SQOR: variants seen among roughly 807,000 people sequenced by gnomAD.
The protein encoded by SQOR is sulfide quinone oxidoreductase.
SQOR carries 39 observed loss-of-function variants against 48.6 expected under a neutral mutation model. The ratio of observed to expected loss-of-function variants is 0.80; its 90% CI spans 0.62 to 1.05. SQOR has a LOEUF of 1.05. Among genes scored for constraint, SQOR ranks in the 50% least tolerant of loss-of-function variants. The pLI is 0.00. For synonymous variants in SQOR, 220 were observed against 206.2 expected (o/e 1.07, Z -0.57); for missense variants, 561 against 559.9 (o/e 1.00, Z -0.02).
At chr15:45,673,071 T>C (rs1221593581) in intron 4 of SQOR, among the ~76,000 whole-genome samples, 4 of 152,182 alleles carry the variant, frequency 2.6e-5, no homozygotes, top group Admixed American at 6.5e-5. Context: ...CTTAGAAGTA[T>C]TAGGTAATTT....
intron 7 of SQOR, among the ~76,000 whole-genome samples, chr15:45,686,403 C>T (rs1890226083): frequency 3.9e-5 from 6 of 152,160 alleles, no homozygotes; most frequent in South Asian, 2.1e-4. Context: ...CCACCCACCT[C>T]AGCCTCCCAA....
intron 7 of SQOR, among the ~76,000 whole-genome samples, chr15:45,687,944 C>G (rs1890251625): frequency 6.6e-6 from 1 of 152,156 alleles, no homozygotes; most frequent in Admixed American, 6.6e-5. Context: ...ATTGGAAATG[C>G]CTGGGGCTAC....
intron 7 of SQOR, among the ~76,000 whole-genome samples, chr15:45,687,257 G>T (rs1043286054): frequency 1.3e-5 from 2 of 152,042 alleles, no homozygotes; most frequent in Non-Finnish European, 2.9e-5. Context: ...GATTACAGGC[G>T]TGTACCATCA....
chr15:45,641,824 C>G (rs1283258538), intron 1 of SQOR, among the ~76,000 whole-genome samples: 1 of 152,180 alleles, frequency 6.6e-6, no homozygotes, highest in Admixed American at 6.5e-5. Flanking sequence ...TCATTATATT[C>G]ACCTGAACAA....
chr15:45,679,816 A>G (rs1192947794), intron 6 of SQOR, among the ~76,000 whole-genome samples: 2 of 152,226 alleles, frequency 1.3e-5, no homozygotes, highest in Non-Finnish European at 2.9e-5. Context: ...TACATATCAG[A>G]ATCACTAGCA....
chr15:45,660,232 G>T lies in SQOR; in HGVS notation c.234+1075G>T, dbSNP rs1247572327. Among the ~76,000 whole-genome samples the T allele has an allele frequency of 2.0e-5, 3 of 152,326 alleles. No homozygotes were observed. In the South Asian group the frequency reaches 6.2e-4, roughly 32 times the overall value. On this transcript the variant is annotated intron_variant, in intron 2 of 9. Transcript: ENST00000260324. ...ATGGATCAGGTGCCTGTTTCAGGGGGAGGACAGGACAAGGAAGACATACTC... is the reference window on the plus strand; with the variant it reads ...ATGGATCAGGTGCCTGTTTCAGGGGTAGGACAGGACAAGGAAGACATACTC...
intron 1 of SQOR, among the ~76,000 whole-genome samples, chr15:45,636,745 A>G (rs563585461): frequency 2.2e-4 from 34 of 152,208 alleles, no homozygotes; most frequent in Admixed American, 1.6e-3. Context: ...AGTATTGCCA[A>G]TACTGCTGTG....
intron 1 of SQOR, among the ~76,000 whole-genome samples, chr15:45,638,448 C>G (rs1895045072): frequency 6.6e-6 from 1 of 152,106 alleles, no homozygotes; most frequent in South Asian, 2.1e-4. Flanking sequence ...ATTAGCCAGG[C>G]ACGGTGGCTC....
intron 4 of SQOR, among the ~76,000 whole-genome samples, chr15:45,670,406 C>T (rs1310877368): frequency 6.6e-6 from 1 of 152,172 alleles, no homozygotes; most frequent in Non-Finnish European, 1.5e-5. Context: ...GCTGGAGGGA[C>T]ATCTGGGTTT....
chr15:45,658,801 G>A (rs1889663432), intron 1 of SQOR, 106 bp from the exon 2 acceptor site: 5 of 887,032 alleles, frequency 5.6e-6, no homozygotes, highest in Admixed American at 3.2e-5. Flanking sequence ...ATGGGGACCA[G>A]CTGGAGCGGG....
intron 7 of SQOR, among the ~76,000 whole-genome samples, chr15:45,688,025 C>T (rs1416015139): frequency 6.6e-6 from 1 of 152,196 alleles, no homozygotes; most frequent in Non-Finnish European, 1.5e-5. Flanking sequence ...TAAGTGGACA[C>T]ACAGACTAAG....
At chr15:45,659,195 CGTGT>C (rs113227688) in intron 2 of SQOR, 38 bp downstream of exon 2, 21 of 1,349,216 alleles carry the variant, frequency 1.6e-5, no homozygotes, top group Non-Finnish European at 1.8e-5. Context: ...TGTGTGTGTA[CGTGT>C]GTGTGTGTGT....
intron 3 of SQOR, among the ~76,000 whole-genome samples, chr15:45,663,629 G>A (rs1889759757): frequency 1.3e-5 from 2 of 152,030 alleles, no homozygotes; most frequent in South Asian, 4.1e-4. Context: ...TTAGCTAGGT[G>A]TGGTGGTGTG....
intron 1 of SQOR, 138 bp from the exon 2 acceptor site, chr15:45,658,769 G>A: frequency 1.6e-6 from 1 of 618,162 alleles, no homozygotes; most frequent in Non-Finnish European, 2.6e-6. Flanking sequence ...ACAGCCAGTG[G>A]GGAAAGTGGT....
In SQOR at chr15:45,651,881, C is replaced by A. The variant is rs191566914; in HGVS notation, c.-17-7026C>A. ...TCTTCTCCTTCTCCTCCTTCTCCTT[C>A]TTCTTCTTCTTCTTTCTTTTTTTTA... On this transcript the variant is annotated intron_variant, in intron 1 of 9. Transcript: ENST00000260324. Among the ~76,000 whole-genome samples, 17 of 152,106 alleles carry A rather than the reference C, an allele frequency of 1.1e-4. No individual in the cohort carries two copies. In the East Asian group the frequency reaches 2.3e-3, roughly 21 times the overall value.
chr15:45,659,195 C>CGTGTGT (rs113227688), intron 2 of SQOR, 38 bp downstream of exon 2: 8 of 1,349,684 alleles, frequency 5.9e-6, no homozygotes, highest in African/African-American at 3.0e-5. Context: ...TGTGTGTGTA[C>CGTGTGT]GTGTGTGTGT....
At chr15:45,671,070 T>TTG (rs1439902381) in intron 4 of SQOR, among the ~76,000 whole-genome samples, 8 of 152,228 alleles carry the variant, frequency 5.3e-5, no homozygotes, top group African/African-American at 1.9e-4. Context: ...TAGCAGCCTC[T>TTG]TGTAGCAAAC....
intron 6 of SQOR, among the ~76,000 whole-genome samples, chr15:45,680,515 A>G (rs1890109081): frequency 6.6e-6 from 1 of 152,110 alleles, no homozygotes; most frequent in Non-Finnish European, 1.5e-5. Flanking sequence ...AGCCTCAAGC[A>G]AGCCATCCTC....
At chr15:45,686,341 G>A (rs1241932425) in intron 7 of SQOR, among the ~76,000 whole-genome samples, 3 of 151,900 alleles carry the variant, frequency 2.0e-5, no homozygotes, top group African/African-American at 7.3e-5. Flanking sequence ...TAGTAGAGAC[G>A]GGGTTTTACC....
Sources: allele counts gnomAD v4.1 joint callset (sites outside exome capture counted in the v4.1 genomes callset), GRCh38; gene constraint gnomAD v4.1.1; transcripts MANE v1.5; gene names NCBI Gene and HGNC (gene_info 2026-07-23, HGNC 2026-07-21).